TP53BP2: variants seen among roughly 807,000 people sequenced by gnomAD.
TP53BP2 encodes the protein apoptosis-stimulating of p53 protein 2.
In TP53BP2, 62 loss-of-function variants were observed where a neutral mutation model predicts 126.2. The observed-to-expected ratio is 0.49, with a 90% CI of 0.40 to 0.61. TP53BP2 has a LOEUF of 0.61. Among genes scored for constraint, TP53BP2 ranks in the 20% least tolerant of loss-of-function variants. The pLI, the probability that TP53BP2 is intolerant of heterozygous loss-of-function variation, is 0.00. For missense variants in TP53BP2, 1,215 were observed against 1,402.8 expected (o/e 0.87, Z 2.14); for synonymous variants, 485 against 502.9 (o/e 0.96, Z 0.48).
intron 2 of TP53BP2, among the ~76,000 whole-genome samples, chr1:223,816,826 A>T (rs1186424237): frequency 6.6e-6 from 1 of 151,596 alleles, no homozygotes; most frequent in Non-Finnish European, 1.5e-5. Context: ...CCATAACATC[A>T]TGTTGTATAC....
chr1:223,787,061 A>G (rs1233326045), intron 16 of TP53BP2, among the ~76,000 whole-genome samples: 2 of 151,888 alleles, frequency 1.3e-5, no homozygotes, highest in Admixed American at 6.6e-5. Context: ...ACAGCTGGCT[A>G]ATTTTTGTAT....
chr1:223,842,397 T>C lies in TP53BP2; in HGVS notation c.27+3257A>G, dbSNP rs183458807. Among the ~76,000 whole-genome samples, 8 of 152,318 alleles carry C rather than the reference T, an allele frequency of 5.3e-5. No individual in the cohort carries two copies. In the East Asian group the frequency reaches 1.3e-3, roughly 26 times the overall value. ...TCCCTTGGCCACATTTGAAGTGCAG[T>C]AGCCACATGTGGCTGGTGACTGCCA... On this transcript the variant is annotated intron_variant, in intron 1 of 17. Transcript: ENST00000343537.
intron 3 of TP53BP2, among the ~76,000 whole-genome samples, chr1:223,810,851 T>C (rs1662887119): frequency 6.6e-6 from 1 of 152,184 alleles, no homozygotes; most frequent in South Asian, 2.1e-4. Flanking sequence ...ATAGTTGCTC[T>C]TCCTAGTCAT....
intron 6 of TP53BP2, among the ~76,000 whole-genome samples, chr1:223,803,925 C>T (rs1287718542): frequency 6.6e-6 from 1 of 152,186 alleles, no homozygotes; most frequent in Non-Finnish European, 1.5e-5. Flanking sequence ...CAGCTGAATT[C>T]AATTCAGAGG....
In TP53BP2 at chr1:223,804,264, C is replaced by A. The variant is rs776428652; in HGVS notation, c.559G>T (p.Glu187Ter). ...TTAGCTTCCTGATTCTCAGCTATTT[C>A]TTTTAGCCTTTTAAGTTTCTCCTGC... is the stretch of plus-strand genomic sequence containing the variant. The part of the protein sequence containing the change: ...AEQEKLKRLK[E>*]IAENQEAKLK... The change falls in exon 6 of 18, where the codon GAA becomes TAA. Residue 187 changes from glutamate (E) to a stop codon, truncating the protein, a stop_gained. Coordinates refer to ENST00000343537, the MANE Select transcript of TP53BP2 (RefSeq NM_001031685.3). LOFTEE classifies it high-confidence loss of function. 6.2e-7 allele frequency: 1 copy of A among 1,614,102 alleles called. No individual in the cohort carries two copies. The highest frequency in any genetic ancestry group is 1.7e-5 in the Admixed American group (1 of 60,006).
intron 1 of TP53BP2, among the ~76,000 whole-genome samples, chr1:223,824,771 G>A (rs1333004787): frequency 2.0e-5 from 3 of 152,108 alleles, no homozygotes; most frequent in Non-Finnish European, 4.4e-5. Flanking sequence ...AAGGTCTGCT[G>A]TAGTCATGAT....
chr1:223,824,679 A>G (rs1663426757), intron 1 of TP53BP2, among the ~76,000 whole-genome samples: 1 of 152,162 alleles, frequency 6.6e-6, no homozygotes, highest in Non-Finnish European at 1.5e-5. Flanking sequence ...AATTTTTAAA[A>G]AAAAAAGTTC....
intron 1 of TP53BP2, among the ~76,000 whole-genome samples, chr1:223,839,460 A>T (rs1664033415): frequency 6.6e-6 from 1 of 152,232 alleles, no homozygotes; most frequent in Non-Finnish European, 1.5e-5. Context: ...CCTGTGGAAG[A>T]ACAGTAAATT....
chr1:223,814,366 A>G lies in TP53BP2; in HGVS notation c.176-13T>C. On this transcript the variant is annotated splice_polypyrimidine_tract_variant and intron_variant, in intron 2 of 17. Coordinates refer to ENST00000343537, the MANE Select transcript of TP53BP2 (RefSeq NM_001031685.3). ...GCAACTGGACGTTCTAAAGCAAATG[A>G]GTAGAAACCACATTATTTTCAGGTA... The G allele has an allele frequency of 6.5e-7, 1 of 1,547,916 alleles. No homozygotes were observed. Among genetic ancestry groups the G allele is most frequent in the Non-Finnish European group, 8.9e-7 (1 of 1,121,260 alleles).
rs151282742 is a variant in TP53BP2 at position 223,810,215 on chromosome 1, T to C, written c.372+216A>G. 2.2e-3 allele frequency among the ~76,000 whole-genome samples: 342 copies of C among 152,350 alleles called. 2 individuals carry two copies. The highest frequency in any genetic ancestry group is 7.9e-3 in the African/African-American group (329 of 41,578). On this transcript the variant is annotated intron_variant, in intron 4 of 17. Coordinates refer to ENST00000343537, the MANE Select transcript of TP53BP2 (RefSeq NM_001031685.3). Reference sequence around the variant, plus strand: ...TCAAACTTGCTCAGCATTTATTTTGTCTGAATTTGTGTCACATTAAACATA... The same window carrying C: ...TCAAACTTGCTCAGCATTTATTTTGCCTGAATTTGTGTCACATTAAACATA...
rs1662415327 is a variant in TP53BP2, at chr1:223,798,495, C to T, written c.1668G>A (p.Gln556=). 2 of 1,614,180 alleles carry T rather than the reference C, an allele frequency of 1.2e-6. No homozygotes were observed. The highest frequency in any genetic ancestry group is 1.7e-6 in the Non-Finnish European group (2 of 1,180,040). ...MGTKPKPAGQ[Q]PRVLLSPSIP... Reference sequence around the variant, plus strand: ...TGCTGGGAGATAGCAGCACTCTCGGCTGCTGCCCTGCTGGTTTTGGTTTAG... The same window carrying T: ...TGCTGGGAGATAGCAGCACTCTCGGTTGCTGCCCTGCTGGTTTTGGTTTAG... Residue 556 remains glutamine, a synonymous_variant, in exon 12 of 18, where the codon CAG becomes CAA. Coordinates refer to ENST00000343537, the MANE Select transcript of TP53BP2 (RefSeq NM_001031685.3).
chr1:223,798,126 G>C (rs1662395544), intron 12 of TP53BP2, 89 bp downstream of exon 12: 2 of 1,257,568 alleles, frequency 1.6e-6, no homozygotes, highest in East Asian at 2.3e-5. Flanking sequence ...AGTCAAAATA[G>C]GGATTAGTTA....
Position 223,780,799 on chromosome 1 carries a change from A to T in TP53BP2, c.*54T>A. On this transcript the variant is annotated 3_prime_UTR_variant, in exon 18 of 18. Transcript: ENST00000343537. ...AATTTTTGCCAAAAATAATCGTATT[A>T]CTTCTTCTTAACAGAGATTAATTCT... The T allele has an allele frequency of 6.4e-7, 1 of 1,574,764 alleles. No homozygotes were observed. The highest frequency in any genetic ancestry group is 8.6e-7 in the Non-Finnish European group (1 of 1,157,900).
rs557849928 is a variant in TP53BP2 at position 223,826,482 on chromosome 1, G to A, written c.28-5115C>T. On this transcript the variant is annotated intron_variant, in intron 1 of 17. Transcript: ENST00000343537. Reference sequence around the variant, plus strand: ...TGGATTTTAATCTAAAAGCCCACTGGAGGCAAATCATTAAAGTCAGAAAGT... The same window carrying A: ...TGGATTTTAATCTAAAAGCCCACTGAAGGCAAATCATTAAAGTCAGAAAGT... 2.0e-5 allele frequency among the ~76,000 whole-genome samples: 3 copies of A among 152,282 alleles called. No individual in the cohort carries two copies. The East Asian group carries it at 5.8e-4, about 29-fold the overall frequency.
chr1:223,845,897 T>A lies in TP53BP2; in HGVS notation c.-217A>T, dbSNP rs1664263775. 3.4e-6 allele frequency: 1 copy of A among 293,888 alleles called. No homozygotes were observed. The highest frequency in any genetic ancestry group is 6.2e-6 in the Non-Finnish European group (1 of 161,368). The allele number at this position is 293,888 out of a possible 1,614,324, so 18.2% of individuals were successfully genotyped here. ...CCGGCCGGGCCCCCTGACGCGGCTT[T>A]GTCTCTTCGACGCTCGTGACGGTCG... On this transcript the variant is annotated 5_prime_UTR_variant, in exon 1 of 18. Coordinates refer to ENST00000343537, the MANE Select transcript of TP53BP2 (RefSeq NM_001031685.3).
rs116098694 is a variant in TP53BP2 at position 223,797,586 on chromosome 1, A to G, written c.1948+629T>C. ...TACCACCACGTCCAGCTAATTTTGT[A>G]TTTTGGTAGAGGTGGGGCTTCTCCA... On this transcript the variant is annotated intron_variant, in intron 12 of 17. Coordinates refer to ENST00000343537, the MANE Select transcript of TP53BP2 (RefSeq NM_001031685.3). Among the ~76,000 whole-genome samples the G allele has an allele frequency of 3.3e-3, 494 of 151,984 alleles. 2 individuals are homozygous for G. The highest frequency in any genetic ancestry group is 6.2e-3 in the Admixed American group (94 of 15,272).
rs922688874 is a variant in TP53BP2, at chr1:223,845,752, G to A, written c.-72C>T. 2.6e-5 allele frequency: 37 copies of A among 1,414,556 alleles called. No individual in the cohort carries two copies. The highest frequency in any genetic ancestry group is 1.6e-5 in the Non-Finnish European group (17 of 1,080,038). 87.6% of individuals were successfully genotyped at this position (1,414,556 alleles called of 1,614,324 possible). A position where few individuals can be genotyped will look rare whatever the true frequency, so the allele number is the denominator to read the frequency against. ...GGAGGGTCGCGGATGCGGGGGAGGGGAGCGGAGAGCGAGGCCGCCCGGACC... is the reference window on the plus strand; with the variant it reads ...GGAGGGTCGCGGATGCGGGGGAGGGAAGCGGAGAGCGAGGCCGCCCGGACC... On this transcript the variant is annotated 5_prime_UTR_variant, in exon 1 of 18. Transcript: ENST00000343537.
chr1:223,804,104 G>T, intron 6 of TP53BP2, 70 bp downstream of exon 6: 1 of 1,512,498 alleles, frequency 6.6e-7, no homozygotes, highest in Non-Finnish European at 8.9e-7. Flanking sequence ...GGGCAACACA[G>T]TAAGACCCTG....
At chr1:223,817,027 G>A (rs1311398326) in intron 2 of TP53BP2, among the ~76,000 whole-genome samples, 2 of 150,940 alleles carry the variant, frequency 1.3e-5, no homozygotes, top group Non-Finnish European at 2.9e-5. Context: ...GGGTGTGGTG[G>A]CACATTCCTA....
Sources: allele counts gnomAD v4.1 joint callset (sites outside exome capture counted in the v4.1 genomes callset), GRCh38; gene constraint gnomAD v4.1.1; transcripts MANE v1.5; gene names NCBI Gene and HGNC (gene_info 2026-07-23, HGNC 2026-07-21).